The following FNBP4 variants were observed in gnomAD, a reference collection of about 807,000 sequenced individuals.
FNBP4 encodes formin-binding protein 4.
Under a neutral mutation model 119.3 loss-of-function variants are expected in FNBP4, and 34 were observed. That is an observed-to-expected ratio of 0.28 (90% confidence interval 0.22 to 0.38). The LOEUF is 0.38. FNBP4 is among the 10% of genes least tolerant of loss of function. The pLI, the probability that FNBP4 is intolerant of heterozygous loss-of-function variation, is 1.00. For missense variants in FNBP4, 1,112 were observed against 1,228.9 expected (o/e 0.90, Z 1.42); for synonymous variants, 462 against 430.6 (o/e 1.07, Z -0.90).
At chr11:47,736,785 T>TA in intron 8 of FNBP4, 45 bp from the exon 9 acceptor site, 1 of 1,507,802 alleles carries the variant, frequency 6.6e-7, no homozygotes, top group Non-Finnish European at 9.1e-7. Context: ...CCAATACTTA[T>TA]AGAACACTAT....
At chr11:47,765,802 C>T (rs942458016) in intron 1 of FNBP4, among the ~76,000 whole-genome samples, 1 of 145,678 alleles carries the variant, frequency 6.9e-6, no homozygotes, top group African/African-American at 2.5e-5. Context: ...AAAGAAAGGA[C>T]ATTTCATTGA....
intron 1 of FNBP4, 77 bp downstream of exon 1, chr11:47,766,992 C>A: frequency 6.9e-7 from 1 of 1,440,630 alleles, no homozygotes; most frequent in Non-Finnish European, 9.0e-7. Flanking sequence ...CCTCCCTCGC[C>A]GGGTCTGGCC....
intron 12 of FNBP4, 54 bp downstream of exon 12, chr11:47,731,320 G>A: frequency 1.3e-6 from 2 of 1,488,444 alleles, no homozygotes; most frequent in East Asian, 2.3e-5. Context: ...AAATTAATAA[G>A]ATTTTTCCTC....
rs114928767 is a variant in FNBP4 at position 47,741,858 on chromosome 11, G to A, written c.1456+2095C>T. On this transcript the variant is annotated intron_variant, in intron 8 of 16. Coordinates refer to ENST00000263773, the MANE Select transcript of FNBP4 (RefSeq NM_015308.5). ...AAAGAATGCACCACAATTTATCTAT[G>A]ATACCTCTAATGGACATTTGAGTGC... Among the ~76,000 whole-genome samples the A allele has an allele frequency of 8.0e-3, 1,217 of 152,030 alleles. 18 individuals are homozygous for A. The highest frequency in any genetic ancestry group is 0.027 in the African/African-American group (1,134 of 41,490).
At chr11:47,744,484 C>G (rs886169257) in intron 7 of FNBP4, among the ~76,000 whole-genome samples, 8 of 152,062 alleles carry the variant, frequency 5.3e-5, no homozygotes, top group Admixed American at 3.3e-4. Flanking sequence ...ACATTGGTCT[C>G]AACTTCTGGG....
At chr11:47,729,081 A>C (rs1196382965) in intron 12 of FNBP4, 2 of 789,356 alleles carry the variant, frequency 2.5e-6, no homozygotes, top group Admixed American at 6.3e-5. Context: ...TGAACTCTTG[A>C]CCTCAGGTGA....
At chr11:47,719,597 T>TGC (rs1379204220) in intron 16 of FNBP4, among the ~76,000 whole-genome samples, 1 of 151,710 alleles carries the variant, frequency 6.6e-6, no homozygotes, top group Non-Finnish European at 1.5e-5. Flanking sequence ...TGTGTGTGTG[T>TGC]GTGTGTGTGT....
At position 47,716,509 on chromosome 11, in the gene FNBP4, A is replaced by G. The variant is rs2097549968; in HGVS notation, c.*913T>C. 6.6e-6 allele frequency: 1 copy of G among 152,632 alleles called. No homozygotes were observed. Among genetic ancestry groups the G allele is most frequent in the Admixed American group, 6.5e-5 (1 of 15,272 alleles). The allele number at this position is 152,632 out of a possible 1,614,324, so 9.5% of individuals were successfully genotyped here. ...ATAACAGGAGTTGACGAGCAAAAGG[A>G]TAACCCATCAGGATTATAAAAAAAG... On this transcript the variant is annotated 3_prime_UTR_variant, in exon 17 of 17. Transcript: ENST00000263773.
chr11:47,724,270 C>T (rs2097558728), intron 13 of FNBP4, 98 bp from the exon 14 acceptor site: 8 of 1,538,112 alleles, frequency 5.2e-6, no homozygotes, highest in Non-Finnish European at 7.0e-6. Flanking sequence ...TTCTGTTGCA[C>T]AAGCTGCAGT....
In FNBP4 at chr11:47,765,245, T is replaced by C. The variant is rs1352288279; in HGVS notation, c.313+25A>G. 5.2e-6 allele frequency: 8 copies of C among 1,526,896 alleles called. No homozygotes were observed. In the African/African-American group the frequency reaches 5.6e-5, roughly 11 times the overall value. The allele number at this position is 1,526,896 out of a possible 1,614,324, so 94.6% of individuals were successfully genotyped here. A position where few individuals can be genotyped will look rare whatever the true frequency, so the allele number is the denominator to read the frequency against. Reference sequence around the variant, plus strand: ...TTAATGAAAGACGTGGGAGAAAAAATGTAAAAAACAAAACAAAAGCATACC... The same window carrying C: ...TTAATGAAAGACGTGGGAGAAAAAACGTAAAAAACAAAACAAAAGCATACC... On this transcript the variant is annotated intron_variant, in intron 2 of 16. Transcript: ENST00000263773.
intron 13 of FNBP4, 147 bp from the exon 14 acceptor site, chr11:47,724,319 C>A: frequency 6.6e-7 from 1 of 1,520,782 alleles, no homozygotes; most frequent in Non-Finnish European, 8.9e-7. Flanking sequence ...TGGGCTTAAG[C>A]AATCCTCCTG....
chr11:47,749,518 T>A lies in FNBP4; in HGVS notation c.906+1398A>T, dbSNP rs150947519. Reference sequence around the variant, plus strand: ...ATGCAATGAGCTGAAATCGCGCCACTCCCTTCCAGCCTGGGTAACCAAGCA... The same window carrying A: ...ATGCAATGAGCTGAAATCGCGCCACACCCTTCCAGCCTGGGTAACCAAGCA... On this transcript the variant is annotated intron_variant, in intron 6 of 16. Coordinates refer to ENST00000263773, the MANE Select transcript of FNBP4 (RefSeq NM_015308.5). Among the ~76,000 whole-genome samples the A allele has an allele frequency of 5.3e-5, 8 of 152,104 alleles. No individual in the cohort carries two copies. The East Asian group carries it at 1.4e-3, about 26-fold the overall frequency.
intron 12 of FNBP4, chr11:47,727,097 C>CA (rs1460689353): frequency 1.3e-5 from 2 of 152,052 alleles, no homozygotes; most frequent in Admixed American, 6.6e-5. Flanking sequence ...CAAGTAAACA[C>CA]AGAGTCGGTT....
intron 2 of FNBP4, among the ~76,000 whole-genome samples, chr11:47,757,191 A>G (rs2097620904): frequency 6.6e-6 from 1 of 152,134 alleles, no homozygotes; most frequent in Admixed American, 6.6e-5. Flanking sequence ...ATTTCTCCAC[A>G]TCCTTTCCAG....
At position 47,734,104 on chromosome 11, in the gene FNBP4, G is replaced by A. The variant is rs771895101; in HGVS notation, c.1607C>T (p.Thr536Ile). Residue 536 changes from threonine to isoleucine, a missense_variant, in exon 10 of 17, where the codon ACC becomes ATC. Coordinates refer to ENST00000263773, the MANE Select transcript of FNBP4 (RefSeq NM_015308.5). ...TAGAAACTCGAATTTACTTGTCAGG[G>A]TATTTGCCAGTTCTCCAATCTGAAA... is the stretch of plus-strand genomic sequence containing the variant. ...LKFQIGELANTLTSKFEFLGI... is the reference protein window; with the variant it reads ...LKFQIGELANILTSKFEFLGI... 14 of 1,586,252 alleles carry A rather than the reference G, an allele frequency of 8.8e-6. No homozygotes were observed. Among genetic ancestry groups the A allele is most frequent in the Admixed American group, 4.0e-5 (2 of 50,414 alleles).
At chr11:47,729,889 G>A (rs1168075063) in intron 12 of FNBP4, 2 of 985,278 alleles carry the variant, frequency 2.0e-6, no homozygotes, top group Non-Finnish European at 2.4e-6. Context: ...AATTCTAGGG[G>A]TTCTCAATAA....
intron 2 of FNBP4, among the ~76,000 whole-genome samples, chr11:47,759,080 C>T (rs2097626883): frequency 1.3e-5 from 2 of 151,880 alleles, no homozygotes; most frequent in Non-Finnish European, 2.9e-5. Context: ...CCACCACGAC[C>T]TGCTAATTTT....
At position 47,767,208 on chromosome 11, in the gene FNBP4, C is replaced by A; in HGVS notation, c.81G>T (p.Pro27=). The change falls in exon 1 of 17, where the codon CCG becomes CCT. Residue 27 remains proline (P), a synonymous_variant. Transcript: ENST00000263773. ...CGGGTTCCGGCTCCGGGTCCCGGCC[C>A]GGCGTGCTGCCCCGAGGACCCGGCG... is the stretch of plus-strand genomic sequence containing the variant. ...LSPPGPRGST[P]GRDPEPEPDT... is the part of the protein sequence containing the mutation. The A allele has an allele frequency of 1.9e-6, 3 of 1,565,716 alleles. No individual in the cohort carries two copies. The highest frequency in any genetic ancestry group is 2.6e-6 in the Non-Finnish European group (3 of 1,162,272).
At chr11:47,765,066 A>G (rs575343550) in intron 2 of FNBP4, among the ~76,000 whole-genome samples, 20 of 152,294 alleles carry the variant, frequency 1.3e-4, no homozygotes, top group African/African-American at 4.8e-4. Context: ...CGTTTTGGGT[A>G]AAGAAAAACA....
Sources: allele counts gnomAD v4.1 joint callset (sites outside exome capture counted in the v4.1 genomes callset), GRCh38; gene constraint gnomAD v4.1.1; transcripts MANE v1.5; gene names NCBI Gene and HGNC (gene_info 2026-07-23, HGNC 2026-07-21).